TASP1: variants seen among roughly 807,000 people sequenced by gnomAD.
The protein encoded by TASP1 is taspase 1, also known as threonine aspartase 1.
In TASP1, 16 loss-of-function variants were observed where a neutral mutation model predicts 56.6. The ratio of observed to expected loss-of-function variants is 0.28; its 90% CI spans 0.19 to 0.43. The LOEUF (loss-of-function observed/expected upper bound fraction) is 0.43. Among genes scored for constraint, TASP1 ranks in the 20% least tolerant of loss-of-function variants. The probability of loss-of-function intolerance (pLI) is 1.00; values close to 1 mark genes in which losing one functional copy is unlikely to be tolerated. For synonymous variants in TASP1, 179 were observed against 184.2 expected, an observed-to-expected ratio of 0.97 and a Z score of 0.23; for missense variants, 393 against 511.6, an observed-to-expected ratio of 0.77 and a Z score of 2.24.
At chr20:13,116,446 T>C in the TASP1 span, among the ~76,000 whole-genome samples, 13 of 152,316 alleles carry the variant, frequency 8.5e-5, no homozygotes, top group African/African-American at 3.1e-4. Flanking sequence ...TTCTGAGAAC[T>C]GATTACTGTC....
intron 7 of TASP1, among the ~76,000 whole-genome samples, chr20:13,560,412 A>AGAGGGATACGTCAAGCCCAAAGCCCATT (rs1460529447): frequency 1.3e-5 from 2 of 152,206 alleles, no homozygotes; most frequent in African/African-American, 4.8e-5. Flanking sequence ...GGCATCAAGG[A>AGAGGGATACGTCAAGCCCAAAGCCCATT]GAGGGATACG....
At position 13,390,269 on chromosome 20, in the gene TASP1, A is replaced by T; in HGVS notation, c.*91T>A. 1.7e-6 allele frequency: 2 copies of T among 1,186,378 alleles called. No individual in the cohort carries two copies. The highest frequency in any genetic ancestry group is 1.3e-5 in the South Asian group (1 of 75,788). The allele number at this position is 1,186,378 out of a possible 1,614,324, so 73.5% of individuals were successfully genotyped here. On this transcript the variant is annotated 3_prime_UTR_variant, in exon 14 of 14. Transcript: ENST00000337743. The stretch of plus-strand genomic sequence containing the variant: ...GAGGTTGCAATAGGAATTATAAAAC[A>T]AGAAAGATAAAACAACCAACTTCAG...
At chr20:13,489,531 GAGAAA>G (rs1422897971) in intron 10 of TASP1, among the ~76,000 whole-genome samples, 1 of 151,362 alleles carries the variant, frequency 6.6e-6, no homozygotes, top group Non-Finnish European at 1.5e-5. Flanking sequence ...TAAAAAAAAA[GAGAAA>G]AGAAAAGAAA....
chr20:13,632,873 T>C (rs1229649283), intron 1 of TASP1, among the ~76,000 whole-genome samples: 1 of 152,198 alleles, frequency 6.6e-6, no homozygotes, highest in Non-Finnish European at 1.5e-5. Context: ...AATCTCAGTT[T>C]GCAGAAAAAT....
At chr20:13,288,600 A>G in the TASP1 span, 1 of 1,613,938 alleles carries the variant, frequency 6.2e-7, no homozygotes, top group Non-Finnish European at 8.5e-7. Flanking sequence ...ACCTGCGGGA[A>G]CGGCAACCAG....
At chr20:13,486,674 A>G (rs548773501) in intron 10 of TASP1, among the ~76,000 whole-genome samples, 2 of 152,326 alleles carry the variant, frequency 1.3e-5, no homozygotes, top group East Asian at 1.9e-4. Context: ...GTAACCCACA[A>G]TGTAATAACT....
chr20:13,462,025 T>C (rs531082550), intron 11 of TASP1, among the ~76,000 whole-genome samples: 1 of 152,050 alleles, frequency 6.6e-6, no homozygotes, highest in Non-Finnish European at 1.5e-5. Flanking sequence ...TTCTAGCCAA[T>C]AAGACACAAG....
At chr20:13,232,516 T>C in the TASP1 span, among the ~76,000 whole-genome samples, 1 of 152,268 alleles carries the variant, frequency 6.6e-6, no homozygotes, top group Non-Finnish European at 1.5e-5. Context: ...TGTGTGGATA[T>C]ACCACCATAT....
At chr20:13,591,753 T>A (rs1415181273) in intron 4 of TASP1, among the ~76,000 whole-genome samples, 1 of 152,164 alleles carries the variant, frequency 6.6e-6, no homozygotes. Context: ...CAATGTATCA[T>A]GGGGTTTATA....
At chr20:13,399,044 AT>A (rs2041645913) in intron 13 of TASP1, among the ~76,000 whole-genome samples, 1 of 152,118 alleles carries the variant, frequency 6.6e-6, no homozygotes, top group African/African-American at 2.4e-5. Flanking sequence ...CTCAAATCTA[AT>A]TTCACAAGGC....
At chr20:13,511,793 T>C (rs1249538770) in intron 10 of TASP1, among the ~76,000 whole-genome samples, 2 of 130,646 alleles carry the variant, frequency 1.5e-5, no homozygotes, top group African/African-American at 5.7e-5. Flanking sequence ...GTGTGACGTT[T>C]CCCTTCCTGT....
chr20:13,333,671 T>C, the TASP1 span, among the ~76,000 whole-genome samples: 1 of 152,252 alleles, frequency 6.6e-6, no homozygotes, highest in Non-Finnish European at 1.5e-5. Flanking sequence ...AATGCCTCGT[T>C]GTTCTATCAA....
At chr20:13,398,437 C>T (rs1237122938) in intron 13 of TASP1, among the ~76,000 whole-genome samples, 1 of 151,968 alleles carries the variant, frequency 6.6e-6, no homozygotes, top group Non-Finnish European at 1.5e-5. Context: ...ATTGCTCCAC[C>T]TTGTTCTACC....
chr20:13,553,144 A>G (rs1226234495), intron 8 of TASP1, among the ~76,000 whole-genome samples: 1 of 152,126 alleles, frequency 6.6e-6, no homozygotes, highest in African/African-American at 2.4e-5. Context: ...GGGTCTTGCT[A>G]TGTTATCCAG....
chr20:13,587,566 T>C (rs1292351088), intron 4 of TASP1, among the ~76,000 whole-genome samples, 196 bp from the exon 5 acceptor site: 1 of 148,996 alleles, frequency 6.7e-6, no homozygotes, highest in Non-Finnish European at 1.5e-5. Context: ...TTTGTAAATA[T>C]TGACCAAAAA....
chr20:13,391,551 T>C (rs2041278495), intron 13 of TASP1, among the ~76,000 whole-genome samples: 1 of 152,180 alleles, frequency 6.6e-6, no homozygotes, highest in South Asian at 2.1e-4. Context: ...TCTGAAAAAG[T>C]GTGAGCCAAG....
chr20:13,221,807 C>T, the TASP1 span: 1 of 1,456,174 alleles, frequency 6.9e-7, no homozygotes. Context: ...GCTGCTGCTG[C>T]TGCTGGGGCT....
At chr20:13,404,464 C>T (rs2041845980) in intron 13 of TASP1, among the ~76,000 whole-genome samples, 1 of 152,104 alleles carries the variant, frequency 6.6e-6, no homozygotes, top group Non-Finnish European at 1.5e-5. Context: ...AAAAATTAGC[C>T]AGGCCTGGTG....
intron 12 of TASP1, among the ~76,000 whole-genome samples, chr20:13,418,447 G>GTTA (rs1457143796): frequency 1.3e-5 from 2 of 152,120 alleles, no homozygotes; most frequent in African/African-American, 4.8e-5. Context: ...AGAGTAATGA[G>GTTA]TTATAACCAC....
Sources: gnomAD v4.1 joint callset for allele counts (sites outside exome capture counted in the v4.1 genomes callset) on GRCh38, gnomAD v4.1.1 for gene constraint, MANE v1.5 for transcripts, NCBI Gene and HGNC (gene_info 2026-07-23, HGNC 2026-07-21) for gene names.